TSPOAP1: variants seen among roughly 807,000 people sequenced by gnomAD.
TSPOAP1 encodes TSPO associated protein 1.
In TSPOAP1, 87 loss-of-function variants were observed where a neutral mutation model predicts 197.0. That is an observed-to-expected ratio of 0.44 (90% CI 0.37 to 0.53). The LOEUF (loss-of-function observed/expected upper bound fraction) is 0.53, where lower values mean the gene tolerates loss of function less well. Ranked by LOEUF, TSPOAP1 falls within the 20% of genes least tolerant of loss-of-function variation. TSPOAP1 has a pLI of 0.00. For missense variants in TSPOAP1, 2,174 were observed against 2,411.3 expected, an observed-to-expected ratio of 0.90 and a Z score of 2.06; for synonymous variants, 913 against 998.9, an observed-to-expected ratio of 0.91 and a Z score of 1.62.
chr17:58,316,325 C>T, intron 15 of TSPOAP1, 100 bp downstream of exon 15: 1 of 1,188,528 alleles, frequency 8.4e-7, no homozygotes, highest in Non-Finnish European at 1.2e-6. Context: ...GTGTCCTGTA[C>T]TGCCCCCACC....
rs571801096 is a variant in TSPOAP1, at chr17:58,307,798, G to A, written c.4832-36C>T. The A allele has an allele frequency of 9.9e-6, 16 of 1,613,662 alleles. No individual in the cohort carries two copies. In the East Asian group the frequency reaches 2.7e-4, roughly 27 times the overall value. Reference sequence around the variant, plus strand: ...AGTGGAGAGGGCGGTGACGCAGCGAGCTCTGGCCGAGCAGCTCTAGCTCCA... The same window carrying A: ...AGTGGAGAGGGCGGTGACGCAGCGAACTCTGGCCGAGCAGCTCTAGCTCCA... On this transcript the variant is annotated intron_variant, in intron 23 of 31. Transcript: ENST00000343736.
In TSPOAP1 at chr17:58,316,416, G is replaced by T. The variant is rs778393690; in HGVS notation, c.1988+9C>A. On this transcript the variant is annotated intron_variant, in intron 15 of 31. Transcript: ENST00000343736. ...CTGGGCTAGGGGGCAGTGAGGGTGA[G>T]GGACCCACCTATAACGTGCTAGGAA... 3 of 1,605,628 alleles carry T rather than the reference G, an allele frequency of 1.9e-6. No homozygotes were observed.
chr17:58,310,274 C>A, intron 20 of TSPOAP1, 116 bp from the exon 21 acceptor site: 2 of 1,225,862 alleles, frequency 1.6e-6, no homozygotes, highest in Non-Finnish European at 2.2e-6. Flanking sequence ...GGAGAAAGAG[C>A]CATGTCCTAA....
chr17:58,324,986 A>C lies in TSPOAP1; in HGVS notation c.767T>G (p.Leu256Arg), dbSNP rs1236412185. 23 of 1,536,220 alleles carry C rather than the reference A, an allele frequency of 1.5e-5. No individual in the cohort carries two copies. Among genetic ancestry groups the C allele is most frequent in the Non-Finnish European group, 2.0e-5 (23 of 1,142,248 alleles). ...TLVGKEGPQW[L>R]HVRDFDRLLR... ...CAGCCGATCGAAGTCCCGCACGTGG[A>C]GCCACTGGGGACCCTCCTGAGGTTG... Residue 256 changes from leucine (L) to arginine (R), a missense_variant, in exon 5 of 32, where the codon CTC becomes CGC. By Grantham distance (102) the Leu-to-Arg change is moderately radical. Transcript: ENST00000343736. This position sits in a 1 kb window ranked among gnomAD's most constrained non-coding sequence, Gnocchi z 5.8.
In TSPOAP1 at chr17:58,324,889, G is replaced by GAGCGTC; in HGVS notation, c.858_863dup (p.Thr287_Leu288dup). Reference sequence around the variant, plus strand: ...CCGGGGGCCAGGACGGCGGGAGCGGGAGCGTCTCCCGCTGGTTGCGCAGCG... The same window carrying GAGCGTC: ...CCGGGGGCCAGGACGGCGGGAGCGGGAGCGTCAGCGTCTCCCGCTGGTTGCGCAGCG... On this transcript the variant is annotated inframe_insertion, in exon 5 of 32. Transcript: ENST00000343736. This position sits in a 1 kb window ranked among gnomAD's most constrained non-coding sequence, Gnocchi z 5.8. 1 of 1,532,908 alleles carries GAGCGTC rather than the reference G, an allele frequency of 6.5e-7. No homozygotes were observed. The highest frequency in any genetic ancestry group is 8.7e-7 in the Non-Finnish European group (1 of 1,144,576). The allele number at this position is 1,532,908 out of a possible 1,614,324, so 95.0% of individuals were successfully genotyped here.
At position 58,308,619 on chromosome 17, in the gene TSPOAP1, G is replaced by A; in HGVS notation, c.4653C>T (p.Arg1551=). The A allele has an allele frequency of 6.2e-7, 1 of 1,601,158 alleles. No individual in the cohort carries two copies. The highest frequency in any genetic ancestry group is 8.5e-7 in the Non-Finnish European group (1 of 1,171,696). Residue 1551 remains arginine (R), a synonymous_variant, in exon 22 of 32, where the codon CGC becomes CGT. Transcript: ENST00000343736. The stretch of plus-strand genomic sequence containing the variant: ...GTTCCCCTTTCTCCCAGGCTGGGAG[G>A]CGTGGGTAGGGCTTGGGGCCTGAAT... ...KANSGPKPYP[R]LPAWEKGEPE... is the part of the protein sequence containing the mutation.
intron 14 of TSPOAP1, among the ~76,000 whole-genome samples, chr17:58,317,382 C>T (rs905560126): frequency 1.3e-5 from 2 of 152,174 alleles, no homozygotes; most frequent in Non-Finnish European, 1.5e-5. Context: ...CGTCTACTTG[C>T]CCGGCCCACA....
intron 16 of TSPOAP1, among the ~76,000 whole-genome samples, chr17:58,313,506 G>A (rs1971130699): frequency 6.6e-6 from 1 of 151,946 alleles, no homozygotes; most frequent in African/African-American, 2.4e-5. Context: ...AGCTACTCAG[G>A]AGCCTGAGGT....
intron 18 of TSPOAP1, 100 bp downstream of exon 18, chr17:58,311,471 G>A (rs2143038656): frequency 6.8e-7 from 1 of 1,476,808 alleles, no homozygotes; most frequent in African/African-American, 1.4e-5. Context: ...CCAAATGCCA[G>A]GGGCTGGGCA....
In TSPOAP1 at chr17:58,307,761, G is replaced by T; in HGVS notation, c.4833C>A (p.Val1611=). Residue 1611 remains valine (V), a splice_region_variant and synonymous_variant, in exon 24 of 32, where the codon GTC becomes GTA. Coordinates refer to ENST00000343736, the MANE Select transcript of TSPOAP1 (RefSeq NM_004758.4). The stretch of plus-strand genomic sequence containing the variant: ...GTGTTTCTGAGGGGCTCCTCGCAGG[G>T]ACTGTGGAGACAGTGGAGAGGGCGG... ...RVLRPSTAEL[V]PARSPSETLA... 1 of 1,614,158 alleles carries T rather than the reference G, an allele frequency of 6.2e-7. No individual in the cohort carries two copies. Among genetic ancestry groups the T allele is most frequent in the Non-Finnish European group, 8.5e-7 (1 of 1,180,040 alleles).
At chr17:58,316,591 G>A (rs374088467) in intron 14 of TSPOAP1, 51 bp from the exon 15 acceptor site, 100 of 1,465,054 alleles carry the variant, frequency 6.8e-5, no homozygotes, top group East Asian at 5.1e-4. Context: ...GGGGCCAAGC[G>A]CCAAGCAGGC....
chr17:58,305,441 C>T lies in TSPOAP1; in HGVS notation c.5379G>A (p.Arg1793=), dbSNP rs1391768198. 6.2e-7 allele frequency: 1 copy of T among 1,613,994 alleles called. No homozygotes were observed. The highest frequency in any genetic ancestry group is 8.5e-7 in the Non-Finnish European group (1 of 1,179,958). ...NMDVEAELPF[R]AGDVITVFGG... Reference sequence around the variant, plus strand: ...CAAACACAGTAATGACATCCCCTGCCCGGAAGGGCAGCTCTGCCTGTGGAA... The same window carrying T: ...CAAACACAGTAATGACATCCCCTGCTCGGAAGGGCAGCTCTGCCTGTGGAA... Residue 1793 remains arginine, a synonymous_variant, in exon 29 of 32, where the codon CGG becomes CGA. Transcript: ENST00000343736.
intron 26 of TSPOAP1, 133 bp from the exon 27 acceptor site, chr17:58,305,998 A>C: frequency 1.0e-6 from 1 of 977,196 alleles, no homozygotes; most frequent in Non-Finnish European, 1.5e-6. Context: ...CATCTCCCCA[A>C]CCCTTTTGTG....
chr17:58,319,118 G>T lies in TSPOAP1; in HGVS notation c.1671C>A (p.Pro557=). ...CPPPPCCCSI[P]QPCRGSGPKD... ...TGGGGCCAGACCCCCGGCAAGGCTG[G>T]GGAATGGAGCAGCAGCAGGGGGGTG... is the stretch of plus-strand genomic sequence containing the variant. The change falls in exon 13 of 32, where the codon CCC becomes CCA. Residue 557 remains proline (P), a synonymous_variant. Coordinates refer to ENST00000343736, the MANE Select transcript of TSPOAP1 (RefSeq NM_004758.4). 1 of 1,543,174 alleles carries T rather than the reference G, an allele frequency of 6.5e-7. No homozygotes were observed. Among genetic ancestry groups the T allele is most frequent in the Non-Finnish European group, 8.8e-7 (1 of 1,139,762 alleles).
Position 58,320,149 on chromosome 17 carries a change from A to C in TSPOAP1, c.1474-20T>G. 6.2e-7 allele frequency: 1 copy of C among 1,614,164 alleles called. No homozygotes were observed. Among genetic ancestry groups the C allele is most frequent in the Non-Finnish European group, 8.5e-7 (1 of 1,180,012 alleles). ...GGTAGACTGTTGCAGGAAAGGAAGC[A>C]GAGAACAGGTTAGAACCCTGAGCGC... On this transcript the variant is annotated intron_variant, in intron 11 of 31. Coordinates refer to ENST00000343736, the MANE Select transcript of TSPOAP1 (RefSeq NM_004758.4).
In TSPOAP1 at chr17:58,319,116, T is replaced by G. The variant is rs1971324154; in HGVS notation, c.1673A>C (p.Gln558Pro). 6.5e-7 allele frequency: 1 copy of G among 1,541,688 alleles called. No individual in the cohort carries two copies. The highest frequency in any genetic ancestry group is 1.4e-5 in the African/African-American group (1 of 72,844). The part of the protein sequence containing the change: ...PPPPCCCSIP[Q>P]PCRGSGPKDL... The stretch of plus-strand genomic sequence containing the variant: ...TTTGGGGCCAGACCCCCGGCAAGGC[T>G]GGGGAATGGAGCAGCAGCAGGGGGG... Residue 558 changes from glutamine to proline, a missense_variant, in exon 13 of 32, where the codon CAG (glutamine) becomes CCG (proline). Gln to Pro is a moderately conservative substitution (Grantham distance 76). Around this residue, in one of 5 missense-constraint regions of TSPOAP1, gnomAD observed 1,933 missense variants for 2,139.0 expected, o/e 0.90. Transcript: ENST00000343736.
In TSPOAP1 at chr17:58,306,836, C is replaced by G. The variant is rs1198685992; in HGVS notation, c.5116G>C (p.Gly1706Arg). The G allele has an allele frequency of 2.5e-6, 4 of 1,613,710 alleles. No homozygotes were observed. The highest frequency in any genetic ancestry group is 3.4e-6 in the Non-Finnish European group (4 of 1,179,938). ...PAGRQQLLQR[G>R]YLSPDILLEG... ...AGGAGAATATCTGGGGACAAATAAC[C>G]CCGCTGGAGCAGTTGCTGTCTCCCA... Residue 1706 changes from glycine to arginine, a missense_variant, in exon 25 of 32, where the codon GGT becomes CGT. By Grantham distance (125) the Gly-to-Arg change is moderately radical (BLOSUM62 -2). Transcript: ENST00000343736.
Position 58,310,638 on chromosome 17 carries a change from G to A in TSPOAP1, c.3573C>T (p.Ala1191=), listed in dbSNP as rs61745775. Residue 1191 remains alanine (A), a synonymous_variant, in exon 20 of 32, where the codon GCC becomes GCT. Coordinates refer to ENST00000343736, the MANE Select transcript of TSPOAP1 (RefSeq NM_004758.4). ...GACAGGCCTCTCCTGCAGTCCACTCGGCCTCCTGCTTGGCCAGTGAGGGAG... is the reference window on the plus strand; with the variant it reads ...GACAGGCCTCTCCTGCAGTCCACTCAGCCTCCTGCTTGGCCAGTGAGGGAG... ...PAAPSLAKQE[A]EWTAGEACPA... The A allele has an allele frequency of 3.2e-4, 519 of 1,613,072 alleles. 1 individual carries two copies. In the African/African-American group the frequency reaches 5.9e-3, roughly 18 times the overall value.
rs1184364786 is a variant in TSPOAP1, at chr17:58,305,100, G to C, written c.5505C>G (p.Gly1835=). Residue 1835 remains glycine (G), a synonymous_variant, in exon 30 of 32, where the codon GGC becomes GGG. Transcript: ENST00000343736. ...GGGGTGTCCTGGGTTCCCTGTCCAG[G>C]CCGCCTGCCTCAGGCCCAGGGCCCT... is the stretch of plus-strand genomic sequence containing the variant. The part of the protein sequence containing the change: ...FLEGPGPEAG[G]LDREPRTPQA... 2.5e-6 allele frequency: 4 copies of C among 1,613,986 alleles called. No homozygotes were observed. In the Admixed American group the frequency reaches 6.7e-5, roughly 27 times the overall value.
Sources: allele counts gnomAD v4.1 joint callset (sites outside exome capture counted in the v4.1 genomes callset), GRCh38; gene constraint gnomAD v4.1.1; regional missense constraint gnomAD v4.1.1; non-coding constraint Gnocchi (gnomAD v3.1); transcripts MANE v1.5; gene names NCBI Gene and HGNC (gene_info 2026-07-23, HGNC 2026-07-21).